KCNJ3: variants seen among roughly 807,000 people sequenced by gnomAD.
The protein encoded by KCNJ3 is potassium inwardly rectifying channel subfamily J member 3.
Under a neutral mutation model 39.2 loss-of-function variants are expected in KCNJ3, and 4 were observed. The observed-to-expected ratio is 0.10, with a 90% confidence interval of 0.05 to 0.23. KCNJ3 has a LOEUF of 0.23. Ranked by LOEUF, KCNJ3 falls within the 10% of genes least tolerant of loss-of-function variation. The pLI is 1.00. For synonymous variants in KCNJ3, 230 were observed against 237.4 expected, an observed-to-expected ratio of 0.97 and a Z score of 0.29; for missense variants, 276 against 634.9, an observed-to-expected ratio of 0.43 and a Z score of 6.08.
intron 2 of KCNJ3, among the ~76,000 whole-genome samples, chr2:154,712,795 T>C (rs1287793022): frequency 1.3e-5 from 2 of 151,964 alleles, no homozygotes; most frequent in East Asian, 3.9e-4. Flanking sequence ...AATAAATAAA[T>C]AAACAACAAA....
intron 2 of KCNJ3, among the ~76,000 whole-genome samples, chr2:154,833,266 G>A (rs1687392746): frequency 6.6e-6 from 1 of 152,138 alleles, no homozygotes; most frequent in Admixed American, 6.5e-5. Context: ...AAATAATGTG[G>A]CTTCACCACT....
chr2:154,813,913 G>A (rs546731330), intron 2 of KCNJ3, among the ~76,000 whole-genome samples: 1 of 152,264 alleles, frequency 6.6e-6, no homozygotes, highest in East Asian at 1.9e-4. Context: ...TTAATGTTAT[G>A]TTTCAATATT....
At chr2:154,713,656 T>C (rs1184107565) in intron 2 of KCNJ3, among the ~76,000 whole-genome samples, 2 of 152,246 alleles carry the variant, frequency 1.3e-5, no homozygotes. Context: ...CTCTCAAGCC[T>C]TGCCTCTTCA....
In KCNJ3 at chr2:154,857,885, TCAAAAAAAAAAAAAAAAAAAAA is replaced by T. The variant is rs1558893966; in HGVS notation, c.*2573_*2594del. 7.3e-5 allele frequency: 1 copy of T among 13,784 alleles called. No individual in the cohort carries two copies. The highest frequency in any genetic ancestry group is 8.9e-4 in the Admixed American group (1 of 1,118). 0.9% of individuals were successfully genotyped at this position (13,784 alleles called of 1,614,324 possible). ...GACAGTGCGAGACTCCATCTCAACA[TCAAAAAAAAAAAAAAAAAAAAA>T]AAAAAAAAAAAAAAAAAAAAGAATA... is the stretch of plus-strand genomic sequence containing the variant. On this transcript the variant is annotated 3_prime_UTR_variant, in exon 3 of 3. Coordinates refer to ENST00000295101, the MANE Select transcript of KCNJ3 (RefSeq NM_002239.4).
chr2:154,721,007 G>GTT (rs145695011), intron 2 of KCNJ3, among the ~76,000 whole-genome samples: 2 of 148,150 alleles, frequency 1.3e-5, no homozygotes, highest in African/African-American at 4.9e-5. Flanking sequence ...GTGTTATCTA[G>GTT]TTTTTTTTTT....
At chr2:154,769,398 G>T (rs538932791) in intron 2 of KCNJ3, among the ~76,000 whole-genome samples, 6 of 152,108 alleles carry the variant, frequency 3.9e-5, no homozygotes, top group South Asian at 2.1e-4. Flanking sequence ...TAGCATGAAG[G>T]GCTGTTGAAT....
chr2:154,751,578 G>A (rs1345660898), intron 2 of KCNJ3, among the ~76,000 whole-genome samples: 1 of 151,922 alleles, frequency 6.6e-6, no homozygotes, highest in Non-Finnish European at 1.5e-5. Context: ...AAGGCTGAAA[G>A]GTTAAAGCAG....
rs1687857960 is a variant in KCNJ3 at position 154,857,455 on chromosome 2, G to C, written c.*2142G>C. The C allele has an allele frequency of 6.6e-6, 1 of 152,044 alleles. No homozygotes were observed. The highest frequency in any genetic ancestry group is 2.4e-5 in the African/African-American group (1 of 41,406). The allele number at this position is 152,044 out of a possible 1,614,324, so 9.4% of individuals were successfully genotyped here. A position where few individuals can be genotyped will look rare whatever the true frequency, so the allele number is the denominator to read the frequency against. On this transcript the variant is annotated 3_prime_UTR_variant, in exon 3 of 3. Transcript: ENST00000295101. ...GCCTTCTATGTCGTAGGCATTTTTA[G>C]TTCCTGGGGATTTGGACATGGCTAA...
chr2:154,710,918 C>A (rs1685093300), intron 2 of KCNJ3, among the ~76,000 whole-genome samples: 1 of 152,076 alleles, frequency 6.6e-6, no homozygotes, highest in Admixed American at 6.6e-5. Flanking sequence ...TAACACCTAT[C>A]TGAAATTTAC....
At chr2:154,753,115 A>T (rs1685876942) in intron 2 of KCNJ3, among the ~76,000 whole-genome samples, 1 of 152,072 alleles carries the variant, frequency 6.6e-6, no homozygotes, top group Non-Finnish European at 1.5e-5. Context: ...TAATGCAATG[A>T]CCATTGTTTT....
chr2:154,752,527 T>C (rs570504348), intron 2 of KCNJ3, among the ~76,000 whole-genome samples: 1 of 152,184 alleles, frequency 6.6e-6, no homozygotes, highest in African/African-American at 2.4e-5. Flanking sequence ...ATTATTTATA[T>C]GGTACATTAT....
At chr2:154,836,072 TGGTG>T in intron 2 of KCNJ3, among the ~76,000 whole-genome samples, 1 of 151,984 alleles carries the variant, frequency 6.6e-6, no homozygotes, top group East Asian at 1.9e-4. Context: ...TAACCTGGCG[TGGTG>T]GCATGCGCCT....
intron 2 of KCNJ3, among the ~76,000 whole-genome samples, chr2:154,752,843 T>TGATGC (rs1201577471): frequency 1.3e-5 from 2 of 152,118 alleles, no homozygotes; most frequent in African/African-American, 4.8e-5. Flanking sequence ...TGATATGACT[T>TGATGC]GATGCAGATT....
intron 2 of KCNJ3, among the ~76,000 whole-genome samples, chr2:154,748,395 C>G (rs2105179754): frequency 6.6e-6 from 1 of 152,142 alleles, no homozygotes; most frequent in South Asian, 2.1e-4. Context: ...AGTGCTCCTT[C>G]CTTGTTCCCT....
intron 2 of KCNJ3, among the ~76,000 whole-genome samples, chr2:154,711,953 T>C (rs1372994874): frequency 6.6e-6 from 1 of 152,172 alleles, no homozygotes; most frequent in East Asian, 1.9e-4. Flanking sequence ...TGGCTGGAGA[T>C]TGAATTTCTT....
chr2:154,845,971 G>A (rs1267977552), intron 2 of KCNJ3, among the ~76,000 whole-genome samples: 18 of 145,136 alleles, frequency 1.2e-4, no homozygotes, highest in African/African-American at 1.0e-4. Flanking sequence ...CTCTGTCTCA[G>A]AAAAAAAAAA....
Position 154,823,473 on chromosome 2 carries a change from G to C in KCNJ3, c.920-31254G>C, listed in dbSNP as rs1449057853. Among the ~76,000 whole-genome samples, 12 of 150,734 alleles carry C rather than the reference G, an allele frequency of 8.0e-5. 1 individual carries two copies. In the East Asian group the frequency reaches 2.3e-3, roughly 29 times the overall value. ...CAATAATCACGGTTTGATTTATTCA[G>C]TTTTTTATCTCTTCAACCAGCAGGT... On this transcript the variant is annotated intron_variant, in intron 2 of 2. Coordinates refer to ENST00000295101, the MANE Select transcript of KCNJ3 (RefSeq NM_002239.4).
intron 2 of KCNJ3, among the ~76,000 whole-genome samples, chr2:154,712,665 A>G (rs2105153806): frequency 6.6e-6 from 1 of 152,288 alleles, no homozygotes; most frequent in South Asian, 2.1e-4. Flanking sequence ...AGCCAGATAA[A>G]TAAGGGAGAT....
intron 2 of KCNJ3, among the ~76,000 whole-genome samples, chr2:154,738,706 G>A (rs1396355827): frequency 2.6e-5 from 4 of 152,014 alleles, no homozygotes; most frequent in Non-Finnish European, 4.4e-5. Flanking sequence ...CAAGACAGAA[G>A]ACGGTGGAAA....
Sources: allele counts gnomAD v4.1 joint callset (sites outside exome capture counted in the v4.1 genomes callset), GRCh38; gene constraint gnomAD v4.1.1; transcripts MANE v1.5; gene names NCBI Gene and HGNC (gene_info 2026-07-23, HGNC 2026-07-21).